Variants in EFNA5 observed in about 807,000 individuals in gnomAD.
EFNA5 encodes the protein ephrin A5, also known as ephrin-A5.
A neutral mutation model predicts 22.9 loss-of-function variants in EFNA5; 5 were observed. That is an observed-to-expected ratio of 0.22 (90% CI 0.11 to 0.46). EFNA5 has a LOEUF of 0.46. Among genes scored for constraint, EFNA5 ranks in the 20% least tolerant of loss-of-function variants. The pLI is 0.99. For synonymous variants in EFNA5, 113 were observed against 112.2 expected (o/e 1.01, Z -0.04); for missense variants, 237 against 293.3 (o/e 0.81, Z 1.40).
intron 1 of EFNA5, among the ~76,000 whole-genome samples, chr5:107,590,278 C>G (rs1749289934): frequency 2.0e-5 from 3 of 152,168 alleles, no homozygotes. Flanking sequence ...ACCTTCCAAA[C>G]AGCAACCTGA....
rs542343761 is a variant in EFNA5, at chr5:107,378,385, G to T, written c.*2870C>A. On this transcript the variant is annotated 3_prime_UTR_variant, in exon 5 of 5. Coordinates refer to ENST00000333274, the MANE Select transcript of EFNA5 (RefSeq NM_001962.3). ...GGCAACCAGGGGCAAAGGTCACTGG[G>T]GTTTGACTAACTGGGGCTGAGTGGC... is the stretch of plus-strand genomic sequence containing the variant. 5.3e-5 allele frequency: 8 copies of T among 152,032 alleles called. No homozygotes were observed. Among genetic ancestry groups the T allele is most frequent in the African/African-American group, 1.9e-4 (8 of 41,452 alleles). 9.4% of individuals were successfully genotyped at this position (152,032 alleles called of 1,614,324 possible).
intron 1 of EFNA5, among the ~76,000 whole-genome samples, chr5:107,546,544 C>G (rs1034537180): frequency 6.6e-6 from 1 of 152,006 alleles, no homozygotes; most frequent in Admixed American, 6.6e-5. Flanking sequence ...CTTTATTCAT[C>G]GTAGTATTAC....
At chr5:107,402,241 G>A (rs1005218673) in intron 2 of EFNA5, among the ~76,000 whole-genome samples, 1 of 152,156 alleles carries the variant, frequency 6.6e-6, no homozygotes, top group African/African-American at 2.4e-5. Context: ...AAGATGTCAT[G>A]TTTCTCATTA....
intron 2 of EFNA5, among the ~76,000 whole-genome samples, chr5:107,411,687 A>C (rs967510578): frequency 6.6e-6 from 1 of 152,202 alleles, no homozygotes; most frequent in African/African-American, 2.4e-5. Context: ...TTGGTTGCCC[A>C]GGCTGGAGTG....
intron 1 of EFNA5, among the ~76,000 whole-genome samples, chr5:107,659,035 T>C (rs1056139812): frequency 2.0e-5 from 3 of 152,172 alleles, no homozygotes; most frequent in African/African-American, 4.8e-5. Context: ...GTAATATAAT[T>C]ATATGTATAA....
chr5:107,617,389 TA>T (rs1749945209), intron 1 of EFNA5, among the ~76,000 whole-genome samples: 1 of 152,116 alleles, frequency 6.6e-6, no homozygotes, highest in African/African-American at 2.4e-5. Flanking sequence ...GTCACTGTTT[TA>T]AAAACCTGGA....
intron 1 of EFNA5, among the ~76,000 whole-genome samples, chr5:107,579,638 C>T (rs1030011309): frequency 2.0e-5 from 3 of 152,100 alleles, no homozygotes; most frequent in African/African-American, 7.2e-5. Context: ...CCTTTTCTCT[C>T]TCTCTGTCTG....
intron 2 of EFNA5, among the ~76,000 whole-genome samples, chr5:107,403,490 C>T (rs1358907244): frequency 2.0e-5 from 3 of 152,198 alleles, no homozygotes; most frequent in African/African-American, 7.2e-5. Context: ...AAATGCCTGG[C>T]TCACCCGTTG....
intron 1 of EFNA5, among the ~76,000 whole-genome samples, chr5:107,545,024 A>T (rs942682941): frequency 8.5e-5 from 13 of 152,242 alleles, no homozygotes; most frequent in Non-Finnish European, 1.9e-4. Flanking sequence ...AAATCCACTG[A>T]TGACAAACAT....
At chr5:107,577,890 G>A (rs1000743872) in intron 1 of EFNA5, among the ~76,000 whole-genome samples, 14 of 152,098 alleles carry the variant, frequency 9.2e-5, no homozygotes, top group African/African-American at 2.7e-4. Flanking sequence ...TTTGGAGCGC[G>A]GGGGTTCAGA....
At chr5:107,618,361 G>GA in intron 1 of EFNA5, among the ~76,000 whole-genome samples, 1 of 152,072 alleles carries the variant, frequency 6.6e-6, no homozygotes, top group Non-Finnish European at 1.5e-5. Flanking sequence ...CATGCACTGG[G>GA]TTTTTTTTCT....
Position 107,485,392 on chromosome 5 carries a change from C to A in EFNA5, c.126-57883G>T, listed in dbSNP as rs112759214. Among the ~76,000 whole-genome samples the A allele has an allele frequency of 2.0e-3, 305 of 152,308 alleles. 2 individuals carry two copies. The highest frequency in any genetic ancestry group is 7.3e-3 in the African/African-American group (304 of 41,580). On this transcript the variant is annotated intron_variant, in intron 1 of 4. Coordinates refer to ENST00000333274, the MANE Select transcript of EFNA5 (RefSeq NM_001962.3). ...GGCAGAAGTGGAAGCCAGCAAGTAA[C>A]CCCCTGAGGTGTGCTAGTGTAACTG...
intron 2 of EFNA5, among the ~76,000 whole-genome samples, chr5:107,396,504 A>C (rs1747930605): frequency 6.6e-6 from 1 of 152,212 alleles, no homozygotes; most frequent in Admixed American, 6.5e-5. Context: ...GATATCCCTA[A>C]GCAGGGGGCA....
chr5:107,467,889 T>C (rs139111427), intron 1 of EFNA5, among the ~76,000 whole-genome samples: 3 of 152,288 alleles, frequency 2.0e-5, no homozygotes, highest in Non-Finnish European at 4.4e-5. Context: ...GTAACAAACA[T>C]AGGCTACATA....
chr5:107,612,517 A>C (rs988003039), intron 1 of EFNA5, among the ~76,000 whole-genome samples: 1 of 152,180 alleles, frequency 6.6e-6, no homozygotes, highest in Non-Finnish European at 1.5e-5. Flanking sequence ...AATTTAAAAA[A>C]AAAAAGTTCA....
chr5:107,608,475 T>G (rs1749764788), intron 1 of EFNA5, among the ~76,000 whole-genome samples: 1 of 152,242 alleles, frequency 6.6e-6, no homozygotes, highest in South Asian at 2.1e-4. Flanking sequence ...CACTTTCAAA[T>G]GTTATGTCCC....
chr5:107,453,734 C>T (rs1365077067), intron 1 of EFNA5, among the ~76,000 whole-genome samples: 1 of 152,086 alleles, frequency 6.6e-6, no homozygotes, highest in African/African-American at 2.4e-5. Flanking sequence ...AAAGGAAGAC[C>T]TTAGCAGCAG....
At chr5:107,556,778 A>G (rs1748428186) in intron 1 of EFNA5, among the ~76,000 whole-genome samples, 1 of 115,416 alleles carries the variant, frequency 8.7e-6, no homozygotes, top group African/African-American at 3.0e-5. Flanking sequence ...ATAAATAAAT[A>G]AATAAATAAA....
At chr5:107,599,298 G>T (rs1289007107) in intron 1 of EFNA5, among the ~76,000 whole-genome samples, 1 of 152,146 alleles carries the variant, frequency 6.6e-6, no homozygotes, top group Non-Finnish European at 1.5e-5. Context: ...AATGAGGAAG[G>T]TCTCTTTATC....
Sources: allele counts gnomAD v4.1 joint callset (sites outside exome capture counted in the v4.1 genomes callset), GRCh38; gene constraint gnomAD v4.1.1; transcripts MANE v1.5; gene names NCBI Gene and HGNC (gene_info 2026-07-23, HGNC 2026-07-21).